Variants in MPHOSPH9 observed in about 807,000 individuals in gnomAD.
MPHOSPH9 encodes the protein M-phase phosphoprotein 9.
A neutral mutation model predicts 145.5 loss-of-function variants in MPHOSPH9; 88 were observed. That is an observed-to-expected ratio of 0.60 (90% CI 0.51 to 0.72). The LOEUF (loss-of-function observed/expected upper bound fraction) is 0.72, where lower values mean the gene tolerates loss of function less well. MPHOSPH9 is among the 30% of genes least tolerant of loss of function. The probability of loss-of-function intolerance (pLI) is 0.00; values close to 1 mark genes in which losing one functional copy is unlikely to be tolerated. For synonymous variants in MPHOSPH9, 435 were observed against 486.2 expected (o/e 0.89, Z 1.39); for missense variants, 1,238 against 1,386.6 (o/e 0.89, Z 1.70).
At chr12:123,176,442 G>C (rs1366156439) in intron 16 of MPHOSPH9, among the ~76,000 whole-genome samples, 3 of 152,110 alleles carry the variant, frequency 2.0e-5, no homozygotes, top group Non-Finnish European at 4.4e-5. Flanking sequence ...CTTGCCTAAG[G>C]TCACACAGCT....
At chr12:123,195,154 T>C (rs2045887594) in intron 12 of MPHOSPH9, among the ~76,000 whole-genome samples, 1 of 152,070 alleles carries the variant, frequency 6.6e-6, no homozygotes, top group Non-Finnish European at 1.5e-5. Flanking sequence ...ACCTAATAGC[T>C]CCTACAGTTC....
chr12:123,221,481 C>A lies in MPHOSPH9; in HGVS notation c.763G>T (p.Glu255Ter), dbSNP rs2047198428. The A allele has an allele frequency of 1.2e-6, 2 of 1,613,998 alleles. No individual in the cohort carries two copies. Among genetic ancestry groups the A allele is most frequent in the Non-Finnish European group, 1.7e-6 (2 of 1,179,860 alleles). ...NENFYIQTPE[E>*]CHVSLKEDVS... ...TCTTCCTTTAAAGACACATGACACTCTTCAGGAGTCTGTATATAAAAATTC... is the reference window on the plus strand; with the variant it reads ...TCTTCCTTTAAAGACACATGACACTATTCAGGAGTCTGTATATAAAAATTC... Residue 255 changes from glutamate to a stop codon, truncating the protein, a stop_gained, in exon 5 of 24, where the codon GAG (glutamate) becomes TAG (stop). Transcript: ENST00000606320. LOFTEE classifies it high-confidence loss of function.
rs574096130 is a variant in MPHOSPH9, at chr12:123,179,217, C to T, written c.2354+709G>A. On this transcript the variant is annotated intron_variant, in intron 15 of 23. Transcript: ENST00000606320. ...ATGAGACGAGAGGATCACTTGAGGTCGAGAGATCTGAGACCAGTCAGGGCA... is the reference window on the plus strand; with the variant it reads ...ATGAGACGAGAGGATCACTTGAGGTTGAGAGATCTGAGACCAGTCAGGGCA... Among the ~76,000 whole-genome samples the T allele has an allele frequency of 1.2e-4, 18 of 152,160 alleles. No individual in the cohort carries two copies. The South Asian group carries it at 2.7e-3, about 23-fold the overall frequency.
chr12:123,220,224 C>T (rs1411634846), intron 5 of MPHOSPH9, among the ~76,000 whole-genome samples: 1 of 151,450 alleles, frequency 6.6e-6, no homozygotes, highest in African/African-American at 2.4e-5. Context: ...ACAAAAGAAA[C>T]AAACAAAAAC....
intron 15 of MPHOSPH9, among the ~76,000 whole-genome samples, chr12:123,178,364 A>AG (rs1396218614): frequency 6.6e-6 from 1 of 152,260 alleles, no homozygotes; most frequent in Non-Finnish European, 1.5e-5. Flanking sequence ...AATGAATCAC[A>AG]GAAGAGTGGC....
intron 16 of MPHOSPH9, among the ~76,000 whole-genome samples, chr12:123,168,251 C>G (rs1435435917): frequency 1.3e-5 from 2 of 152,194 alleles, no homozygotes; most frequent in Admixed American, 1.3e-4. Flanking sequence ...TACCACTGAG[C>G]TTTGCTGGAA....
intron 7 of MPHOSPH9, among the ~76,000 whole-genome samples, chr12:123,214,076 A>G (rs1485021744): frequency 6.6e-6 from 1 of 152,200 alleles, no homozygotes; most frequent in Non-Finnish European, 1.5e-5. Context: ...ATATAAGGCC[A>G]TTAAGATTGG....
rs1190975745 is a variant in MPHOSPH9 at position 123,193,581 on chromosome 12, AG to A, written c.2241+804del. 2.6e-5 allele frequency among the ~76,000 whole-genome samples: 4 copies of A among 152,326 alleles called. No homozygotes were observed. In the East Asian group the frequency reaches 7.7e-4, roughly 29 times the overall value. On this transcript the variant is annotated intron_variant, in intron 13 of 23. Coordinates refer to ENST00000606320, the MANE Select transcript of MPHOSPH9 (RefSeq NM_022782.4). ...GAGAATGCTTGAGCCCAAGAGCTTG[AG>A]GCCAGCCTGGGCAACATGGCGAGAC...
intron 14 of MPHOSPH9, among the ~76,000 whole-genome samples, chr12:123,180,803 G>A (rs2045096856): frequency 6.6e-6 from 1 of 151,050 alleles, no homozygotes; most frequent in South Asian, 2.1e-4. Context: ...AACCCAGGAG[G>A]CAGAGGTTGT....
chr12:123,153,596 C>T (rs901126942), downstream of MPHOSPH9, among the ~76,000 whole-genome samples: 2 of 151,848 alleles, frequency 1.3e-5, no homozygotes, highest in African/African-American at 4.8e-5. Flanking sequence ...GTGAGAACCC[C>T]GTCTCTACCG....
At position 123,221,248 on chromosome 12, in the gene MPHOSPH9, C is replaced by T. The variant is rs1253859829; in HGVS notation, c.872+124G>A. ...AGAATATAGTGTGCTTTGTTTATTT[C>T]AATTTTCTACAGGCAATGAACTGAT... is the stretch of plus-strand genomic sequence containing the variant. On this transcript the variant is annotated intron_variant, in intron 5 of 23. Coordinates refer to ENST00000606320, the MANE Select transcript of MPHOSPH9 (RefSeq NM_022782.4). The T allele has an allele frequency of 3.7e-6, 3 of 809,192 alleles. No individual in the cohort carries two copies. In the East Asian group the frequency reaches 8.2e-5, roughly 22 times the overall value. 50.1% of individuals were successfully genotyped at this position (809,192 alleles called of 1,614,324 possible).
At chr12:123,189,304 C>G (rs2045575507) in intron 13 of MPHOSPH9, among the ~76,000 whole-genome samples, 1 of 152,158 alleles carries the variant, frequency 6.6e-6, no homozygotes, top group Non-Finnish European at 1.5e-5. Context: ...GCAGAGCAGA[C>G]AGGCTGTCCC....
chr12:123,170,338 T>C (rs1459942733), intron 16 of MPHOSPH9, among the ~76,000 whole-genome samples: 1 of 151,872 alleles, frequency 6.6e-6, no homozygotes, highest in Non-Finnish European at 1.5e-5. Context: ...AGAGACGGGG[T>C]TTCACCATGT....
chr12:123,163,227 G>T, intron 19 of MPHOSPH9, 93 bp from the exon 20 acceptor site: 1 of 1,303,524 alleles, frequency 7.7e-7, no homozygotes, highest in Non-Finnish European at 1.0e-6. Context: ...AATTTTGAAA[G>T]GAATATAATT....
chr12:123,160,972 G>T, intron 22 of MPHOSPH9, 123 bp from the exon 23 acceptor site: 1 of 1,328,056 alleles, frequency 7.5e-7, no homozygotes. Flanking sequence ...ATTTCCCTCT[G>T]TCAATTAGTA....
At chr12:123,163,764 T>G (rs1380098986) in intron 19 of MPHOSPH9, 186 bp downstream of exon 19, 7 of 523,030 alleles carry the variant, frequency 1.3e-5, no homozygotes, top group Non-Finnish European at 2.3e-5. Context: ...TTTACATTTG[T>G]AGTATCTATG....
At chr12:123,204,786 G>A (rs2046358233) in intron 8 of MPHOSPH9, among the ~76,000 whole-genome samples, 1 of 152,234 alleles carries the variant, frequency 6.6e-6, no homozygotes, top group East Asian at 1.9e-4. Context: ...GAAGTGGGAC[G>A]ATCACTTGAA....
At chr12:123,218,527 C>CTT in intron 5 of MPHOSPH9, 28 bp from the exon 6 acceptor site, 53 of 1,115,258 alleles carry the variant, frequency 4.8e-5, no homozygotes, top group East Asian at 1.2e-4. Context: ...ACCAAAATTA[C>CTT]TTTTTTTTTT....
intron 7 of MPHOSPH9, among the ~76,000 whole-genome samples, chr12:123,211,832 T>C (rs2046736768): frequency 6.6e-6 from 1 of 151,354 alleles, no homozygotes; most frequent in African/African-American, 2.4e-5. Flanking sequence ...TAGCTGGGAC[T>C]ATAAACTCAA....
Sources: allele counts gnomAD v4.1 joint callset (sites outside exome capture counted in the v4.1 genomes callset), GRCh38; gene constraint gnomAD v4.1.1; transcripts MANE v1.5; gene names NCBI Gene and HGNC (gene_info 2026-07-23, HGNC 2026-07-21).